Variants in KCTD17 observed in about 807,000 individuals in gnomAD.
KCTD17 encodes BTB/POZ domain-containing protein KCTD17.
KCTD17 carries 20 observed loss-of-function variants against 41.5 expected under a neutral mutation model. The ratio of observed to expected loss-of-function variants is 0.48; its 90% CI spans 0.34 to 0.70. The LOEUF is 0.70. KCTD17 is among the 30% of genes least tolerant of loss of function. The probability of loss-of-function intolerance (pLI) is 0.01; values close to 1 mark genes in which losing one functional copy is unlikely to be tolerated. For synonymous variants in KCTD17, 156 were observed against 173.8 expected, an observed-to-expected ratio of 0.90 and a Z score of 0.80; for missense variants, 317 against 427.2, an observed-to-expected ratio of 0.74 and a Z score of 2.27.
At chr22:37,056,759 C>T (rs550482247) in intron 3 of KCTD17, among the ~76,000 whole-genome samples, 1 of 152,280 alleles carries the variant, frequency 6.6e-6, no homozygotes, top group South Asian at 2.1e-4. Context: ...TGTGGAGGTA[C>T]AGGGTGCCCT....
Position 37,062,784 on chromosome 22 carries a change from A to C in KCTD17, c.*190A>C. The C allele has an allele frequency of 3.1e-6, 4 of 1,278,884 alleles. No homozygotes were observed. Among genetic ancestry groups the C allele is most frequent in the Non-Finnish European group, 4.2e-6 (4 of 960,208 alleles). 79.2% of individuals were successfully genotyped at this position (1,278,884 alleles called of 1,614,324 possible). A position where few individuals can be genotyped will look rare whatever the true frequency, so the allele number is the denominator to read the frequency against. The stretch of plus-strand genomic sequence containing the variant: ...GACCTCTGGGCAGAGTGGACTGCTC[A>C]TGGCAGATGTGTGGCAATGTCTGGC... On this transcript the variant is annotated 3_prime_UTR_variant, in exon 9 of 9. Coordinates refer to ENST00000403888, the MANE Select transcript of KCTD17 (RefSeq NM_001282684.2).
Position 37,061,096 on chromosome 22 carries a change from C to T in KCTD17, c.713-8C>T, listed in dbSNP as rs1925723313. The T allele has an allele frequency of 6.4e-7, 1 of 1,551,436 alleles. No individual in the cohort carries two copies. The highest frequency in any genetic ancestry group is 1.4e-5 in the African/African-American group (1 of 73,032). ...ATAACCATCCCTTCTCTCACTTTCT[C>T]TTTGCAGCCCAGTCATCTCAGGATC... On this transcript the variant is annotated splice_region_variant and splice_polypyrimidine_tract_variant and intron_variant, in intron 6 of 8. Coordinates refer to ENST00000403888, the MANE Select transcript of KCTD17 (RefSeq NM_001282684.2). The surrounding 1 kb of genome is among the most constrained non-coding windows in gnomAD (Gnocchi z 6.6).
At position 37,062,617 on chromosome 22, in the gene KCTD17, G is replaced by C; in HGVS notation, c.*23G>C. 1.9e-6 allele frequency: 3 copies of C among 1,606,792 alleles called. No individual in the cohort carries two copies. Among genetic ancestry groups the C allele is most frequent in the Non-Finnish European group, 2.5e-6 (3 of 1,176,512 alleles). The stretch of plus-strand genomic sequence containing the variant: ...TGAAATCCTTTATTTTTGTACCATG[G>C]GGTGGGCCCCGGGCCTGAGAAGGAA... On this transcript the variant is annotated 3_prime_UTR_variant, in exon 9 of 9. Transcript: ENST00000403888.
chr22:37,055,787 G>A (rs907495024), intron 2 of KCTD17, among the ~76,000 whole-genome samples: 5 of 152,162 alleles, frequency 3.3e-5, no homozygotes, highest in Admixed American at 6.6e-5. Flanking sequence ...AGTCTGCAGC[G>A]CTTGAGTTCC....
chr22:37,052,326 T>C (rs1489844123), intron 1 of KCTD17: 8 of 356,496 alleles, frequency 2.2e-5, no homozygotes, highest in Non-Finnish European at 4.4e-5. Context: ...GGGATGTGGG[T>C]GGCGGAGGGG....
rs1006171560 is a variant in KCTD17, at chr22:37,053,698, C to T, written c.298+490C>T. On this transcript the variant is annotated intron_variant, in intron 2 of 8. Transcript: ENST00000403888. The surrounding 1 kb of genome is among the most constrained non-coding windows in gnomAD (Gnocchi z 4.1). ...TGTTCACTAAGTCTGGCAGCCTGTG[C>T]GGCACAGTGCTGGCTGTGGGTGGAG... Among the ~76,000 whole-genome samples, 1 of 152,242 alleles carries T rather than the reference C, an allele frequency of 6.6e-6. No homozygotes were observed. Among genetic ancestry groups the T allele is most frequent in the East Asian group, 1.9e-4 (1 of 5,176 alleles).
chr22:37,054,982 A>G (rs888627703), intron 2 of KCTD17: 4 of 152,240 alleles, frequency 2.6e-5, no homozygotes, highest in African/African-American at 9.6e-5. Context: ...CCTAGAGGCT[A>G]GAAACCCGAG....
At position 37,056,401 on chromosome 22, in the gene KCTD17, C is replaced by G; in HGVS notation, c.380C>G (p.Thr127Arg). ...GACCGGATGGAAGAGAAGGACTACA[C>G]GGTCACCCAGGTCGGGAGCAGGGGC... ...IKDRMEEKDY[T>R]VTQVPPKHVY... The change falls in exon 3 of 9, where the codon ACG becomes AGG. Residue 127 changes from threonine to arginine, a missense_variant. This residue lies in a region of KCTD17 where 27 missense variants were observed against 24.0 expected (regional missense o/e 1.13). Coordinates refer to ENST00000403888, the MANE Select transcript of KCTD17 (RefSeq NM_001282684.2). 6.2e-7 allele frequency: 1 copy of G among 1,613,074 alleles called. No individual in the cohort carries two copies. The highest frequency in any genetic ancestry group is 1.1e-5 in the South Asian group (1 of 90,888).
intron 8 of KCTD17, 141 bp from the exon 9 acceptor site, chr22:37,062,384 T>G: frequency 7.2e-7 from 1 of 1,393,288 alleles, no homozygotes; most frequent in East Asian, 2.9e-5. Context: ...GAAGGAAGCC[T>G]GTGACTCAAC....
intron 5 of KCTD17, among the ~76,000 whole-genome samples, chr22:37,060,428 G>A (rs571319534): frequency 1.3e-5 from 2 of 152,272 alleles, no homozygotes; most frequent in East Asian, 3.9e-4. Flanking sequence ...CCAGATCTGG[G>A]TGGTGTCTGC....
chr22:37,062,799 C>A lies in KCTD17; in HGVS notation c.*205C>A. 8.6e-7 allele frequency: 1 copy of A among 1,168,352 alleles called. No homozygotes were observed. Among genetic ancestry groups the A allele is most frequent in the Non-Finnish European group, 1.2e-6 (1 of 861,672 alleles). The allele number at this position is 1,168,352 out of a possible 1,614,324, so 72.4% of individuals were successfully genotyped here. ...TGGACTGCTCATGGCAGATGTGTGG[C>A]AATGTCTGGCTGTGTCTCTCCGGCA... On this transcript the variant is annotated 3_prime_UTR_variant, in exon 9 of 9. Transcript: ENST00000403888.
intron 4 of KCTD17, 31 bp downstream of exon 4, chr22:37,057,524 A>G: frequency 6.3e-7 from 1 of 1,578,836 alleles, no homozygotes; most frequent in Non-Finnish European, 8.6e-7. Flanking sequence ...TGCCACCAGG[A>G]CAACCCTGGG....
rs1022940466 is a variant in KCTD17 at position 37,062,821 on chromosome 22, G to A, written c.*227G>A. 1.7e-5 allele frequency: 16 copies of A among 963,760 alleles called. No individual in the cohort carries two copies. The highest frequency in any genetic ancestry group is 1.2e-4 in the African/African-American group (7 of 60,240). 59.7% of individuals were successfully genotyped at this position (963,760 alleles called of 1,614,324 possible). A position where few individuals can be genotyped will look rare whatever the true frequency, so the allele number is the denominator to read the frequency against. On this transcript the variant is annotated 3_prime_UTR_variant, in exon 9 of 9. Transcript: ENST00000403888. The stretch of plus-strand genomic sequence containing the variant: ...TGGCAATGTCTGGCTGTGTCTCTCC[G>A]GCACCTGCGTCCCCTCTCCCGGGCT...
At position 37,059,359 on chromosome 22, in the gene KCTD17, C is replaced by A; in HGVS notation, c.533C>A (p.Ala178Glu). ...SSYNYGSEDQ[A>E]EFLCVVSKEL... is the part of the protein sequence containing the mutation. ...TACAACTACGGCAGCGAGGACCAGG[C>A]AGAGTTCCTGTGTGTGGTGTCCAAG... is the stretch of plus-strand genomic sequence containing the variant. The change falls in exon 5 of 9, where the codon GCA (alanine) becomes GAA (glutamate). Residue 178 changes from alanine to glutamate, a missense_variant. Physicochemically the swap from Ala to Glu is moderately radical, Grantham distance 107 (BLOSUM62 -1). Around this residue, in one of 4 missense-constraint regions of KCTD17, gnomAD observed 177 missense variants for 194.4 expected, o/e 0.91. Transcript: ENST00000403888. 2 of 1,613,274 alleles carry A rather than the reference C, an allele frequency of 1.2e-6. No homozygotes were observed. Among genetic ancestry groups the A allele is most frequent in the African/African-American group, 1.3e-5 (1 of 75,018 alleles).
rs1372008312 is a variant in KCTD17, at chr22:37,063,099, G to C, written c.*505G>C. 1 of 154,594 alleles carries C rather than the reference G, an allele frequency of 6.5e-6. No homozygotes were observed. Among genetic ancestry groups the C allele is most frequent in the African/African-American group, 2.4e-5 (1 of 41,500 alleles). 9.6% of individuals were successfully genotyped at this position (154,594 alleles called of 1,614,324 possible). A position where few individuals can be genotyped will look rare whatever the true frequency, so the allele number is the denominator to read the frequency against. On this transcript the variant is annotated 3_prime_UTR_variant, in exon 9 of 9. Coordinates refer to ENST00000403888, the MANE Select transcript of KCTD17 (RefSeq NM_001282684.2). This position sits in a 1 kb window ranked among gnomAD's most constrained non-coding sequence, Gnocchi z 4.6. ...TTGCAAATGGAGATTCAGGTATTGGGGATGCAGGTTGTGGGGAGCTGGCCT... is the reference window on the plus strand; with the variant it reads ...TTGCAAATGGAGATTCAGGTATTGGCGATGCAGGTTGTGGGGAGCTGGCCT...
At chr22:37,055,943 T>C (rs1003219731) in intron 2 of KCTD17, among the ~76,000 whole-genome samples, 2 of 152,204 alleles carry the variant, frequency 1.3e-5, no homozygotes, top group African/African-American at 4.8e-5. Context: ...ACTTAGAATG[T>C]GCTTAATAAA....
At position 37,061,334 on chromosome 22, in the gene KCTD17, C is replaced by T; in HGVS notation, c.784+159C>T. On this transcript the variant is annotated intron_variant, in intron 7 of 8. Coordinates refer to ENST00000403888, the MANE Select transcript of KCTD17 (RefSeq NM_001282684.2). This position sits in a 1 kb window ranked among gnomAD's most constrained non-coding sequence, Gnocchi z 6.6. ...CTCCCGTGCCCTCCACCCAGGCCCC[C>T]TGGCCCTGCATCCCAGAGCGTCCTG... 1.3e-6 allele frequency: 2 copies of T among 1,491,656 alleles called. No homozygotes were observed. Among genetic ancestry groups the T allele is most frequent in the Non-Finnish European group, 1.8e-6 (2 of 1,122,162 alleles). The allele number at this position is 1,491,656 out of a possible 1,614,324, so 92.4% of individuals were successfully genotyped here.
intron 1 of KCTD17, 108 bp from the exon 2 acceptor site, chr22:37,052,992 A>T: frequency 1.1e-6 from 1 of 906,214 alleles, no homozygotes; most frequent in South Asian, 1.5e-5. Flanking sequence ...TGCCTGCTCC[A>T]TCCAGGGAAG....
Position 37,061,089 on chromosome 22 carries a change from A to G in KCTD17, c.713-15A>G. 1 of 1,550,958 alleles carries G rather than the reference A, an allele frequency of 6.4e-7. No homozygotes were observed. The highest frequency in any genetic ancestry group is 8.7e-7 in the Non-Finnish European group (1 of 1,146,764). On this transcript the variant is annotated splice_polypyrimidine_tract_variant and intron_variant, in intron 6 of 8. Transcript: ENST00000403888. This position sits in a 1 kb window ranked among gnomAD's most constrained non-coding sequence, Gnocchi z 6.6. ...CACCCGCATAACCATCCCTTCTCTC[A>G]CTTTCTCTTTGCAGCCCAGTCATCT... is the stretch of plus-strand genomic sequence containing the variant.
Sources: gnomAD v4.1 joint callset for allele counts (sites outside exome capture counted in the v4.1 genomes callset) on GRCh38, gnomAD v4.1.1 for gene constraint, gnomAD v4.1.1 regional missense constraint, Gnocchi (gnomAD v3.1) non-coding constraint, MANE v1.5 for transcripts, NCBI Gene and HGNC (gene_info 2026-07-23, HGNC 2026-07-21) for gene names.